Variants in POLR3B observed in about 807,000 individuals in gnomAD.
POLR3B encodes the protein DNA-directed RNA polymerase III subunit RPC2.
In POLR3B, 96 loss-of-function variants were observed where a neutral mutation model predicts 147.4. The observed-to-expected ratio is 0.65, with a 90% CI of 0.55 to 0.77. The LOEUF (loss-of-function observed/expected upper bound fraction) is 0.77. Ranked by LOEUF, POLR3B falls within the 30% of genes least tolerant of loss-of-function variation. POLR3B has a pLI of 0.00. For synonymous variants in POLR3B, 461 were observed against 485.9 expected, an observed-to-expected ratio of 0.95 and a Z score of 0.67; for missense variants, 1,036 against 1,413.5, an observed-to-expected ratio of 0.73 and a Z score of 4.28.
chr12:106,407,608 TCA>T (rs2037166761), intron 11 of POLR3B, among the ~76,000 whole-genome samples: 1 of 152,096 alleles, frequency 6.6e-6, no homozygotes, highest in Non-Finnish European at 1.5e-5. Flanking sequence ...GGCGGGCAGA[TCA>T]CCTGAGGTCA....
At chr12:106,459,751 G>A (rs1255905426) in intron 22 of POLR3B, among the ~76,000 whole-genome samples, 1 of 152,142 alleles carries the variant, frequency 6.6e-6, no homozygotes, top group Non-Finnish European at 1.5e-5. Context: ...AAAACACACT[G>A]GCCACAGCAT....
At chr12:106,358,102 C>T (rs2036414093) in intron 1 of POLR3B, 151 bp downstream of exon 1, 2 of 1,512,828 alleles carry the variant, frequency 1.3e-6, no homozygotes, top group African/African-American at 1.4e-5. Context: ...GCTTGCGAGT[C>T]TTTTTTCCAG....
At chr12:106,505,280 T>C (rs947074511) in intron 27 of POLR3B, among the ~76,000 whole-genome samples, 24 of 152,110 alleles carry the variant, frequency 1.6e-4, no homozygotes, top group African/African-American at 5.3e-4. Context: ...GGGTTTTTTA[T>C]TTTGTTTTTG....
chr12:106,456,665 G>A (rs1186012943), intron 20 of POLR3B, among the ~76,000 whole-genome samples: 1 of 152,150 alleles, frequency 6.6e-6, no homozygotes, highest in Non-Finnish European at 1.5e-5. Flanking sequence ...CAGTGGACTT[G>A]TGCTGTTCAA....
intron 27 of POLR3B, among the ~76,000 whole-genome samples, chr12:106,508,302 A>G (rs559642520): frequency 6.6e-6 from 1 of 152,310 alleles, no homozygotes; most frequent in Admixed American, 6.5e-5. Context: ...ATCAAAGAAT[A>G]TGCACATTTA....
intron 27 of POLR3B, chr12:106,507,884 C>G (rs1406974742): frequency 2.2e-6 from 1 of 448,518 alleles, no homozygotes; most frequent in African/African-American, 2.0e-5. Flanking sequence ...CAAAAGTTAC[C>G]ACAAATATAA....
chr12:106,429,603 C>T (rs968915910), intron 13 of POLR3B, among the ~76,000 whole-genome samples: 1 of 151,758 alleles, frequency 6.6e-6, no homozygotes, highest in Non-Finnish European at 1.5e-5. Flanking sequence ...ATATTTAATG[C>T]ATAAGAAGAT....
At chr12:106,462,563 G>A (rs367980644) in intron 22 of POLR3B, among the ~76,000 whole-genome samples, 1 of 152,200 alleles carries the variant, frequency 6.6e-6, no homozygotes, top group South Asian at 2.1e-4. Flanking sequence ...AACTACTCTG[G>A]CCATGTTACT....
chr12:106,366,761 A>G (rs548094849), intron 4 of POLR3B, 39 bp downstream of exon 4: 8 of 1,453,794 alleles, frequency 5.5e-6, no homozygotes, highest in Middle Eastern at 1.8e-4. Flanking sequence ...TGTGGGTTAC[A>G]TCTAACATTT....
At chr12:106,477,788 G>A (rs1310495230) in intron 23 of POLR3B, among the ~76,000 whole-genome samples, 1 of 151,664 alleles carries the variant, frequency 6.6e-6, no homozygotes, top group Admixed American at 6.6e-5. Flanking sequence ...AGATGAACCC[G>A]GTACCTCAGA....
intron 21 of POLR3B, among the ~76,000 whole-genome samples, chr12:106,457,647 C>G (rs2137030903): frequency 6.6e-6 from 1 of 152,304 alleles, no homozygotes; most frequent in Non-Finnish European, 1.5e-5. Context: ...TTTTATCCCC[C>G]TGCAAAGGTA....
chr12:106,383,846 C>T (rs923158072), intron 9 of POLR3B, among the ~76,000 whole-genome samples: 6 of 151,824 alleles, frequency 4.0e-5, no homozygotes, highest in East Asian at 3.9e-4. Context: ...GGTGTGGTGG[C>T]GCACATCTGT....
intron 10 of POLR3B, among the ~76,000 whole-genome samples, chr12:106,400,400 C>T (rs939762431): frequency 2.9e-4 from 44 of 152,164 alleles, no homozygotes; most frequent in African/African-American, 1.0e-3. Flanking sequence ...CTTTAACACC[C>T]CACTGTCAAC....
intron 23 of POLR3B, 21 bp from the exon 24 acceptor site, chr12:106,496,034 A>C (rs1438638667): frequency 1.4e-6 from 2 of 1,449,386 alleles, no homozygotes; most frequent in Non-Finnish European, 1.9e-6. Flanking sequence ...TTTATGTGGC[A>C]TGAAATCTTC....
At chr12:106,379,008 C>A (rs1384045283) in intron 8 of POLR3B, among the ~76,000 whole-genome samples, 2 of 152,176 alleles carry the variant, frequency 1.3e-5, no homozygotes, top group Non-Finnish European at 2.9e-5. Flanking sequence ...TGATAACCTA[C>A]AACGAACTGA....
At chr12:106,421,709 A>T (rs570592954) in intron 12 of POLR3B, among the ~76,000 whole-genome samples, 63 of 151,662 alleles carry the variant, frequency 4.2e-4, no homozygotes, top group African/African-American at 8.5e-4. Context: ...ATATATATAT[A>T]TATTTTTTGA....
intron 11 of POLR3B, among the ~76,000 whole-genome samples, chr12:106,407,110 A>G (rs1394933754): frequency 6.6e-6 from 1 of 152,194 alleles, no homozygotes. Flanking sequence ...ATTTAATCCA[A>G]ATAATTAGAA....
chr12:106,363,675 A>T (rs1772259953), intron 1 of POLR3B, among the ~76,000 whole-genome samples, 195 bp from the exon 2 acceptor site: 1 of 152,254 alleles, frequency 6.6e-6, no homozygotes, highest in Middle Eastern at 3.2e-3. Flanking sequence ...TCTGTTTAGG[A>T]AACCTGTAGT....
chr12:106,390,583 T>G (rs1015897919), intron 9 of POLR3B, among the ~76,000 whole-genome samples: 5 of 151,974 alleles, frequency 3.3e-5, no homozygotes, highest in Non-Finnish European at 7.4e-5. Context: ...CGTGTAATTT[T>G]TAAATAGTGG....
Sources: gnomAD v4.1 joint callset for allele counts (sites outside exome capture counted in the v4.1 genomes callset) on GRCh38, gnomAD v4.1.1 for gene constraint, MANE v1.5 for transcripts, NCBI Gene and HGNC (gene_info 2026-07-23, HGNC 2026-07-21) for gene names.